Variants in ATP8A2 observed in about 807,000 individuals in gnomAD.
ATP8A2 encodes the protein ATPase phospholipid transporting 8A2.
A neutral mutation model predicts 165.6 loss-of-function variants in ATP8A2; 100 were observed. The ratio of observed to expected loss-of-function variants is 0.60; its 90% CI spans 0.51 to 0.71. The LOEUF (loss-of-function observed/expected upper bound fraction) is 0.71. Ranked by LOEUF, ATP8A2 falls within the 30% of genes least tolerant of loss-of-function variation. The pLI is 0.00. For missense variants in ATP8A2, 1,227 were observed against 1,479.5 expected (o/e 0.83, Z 2.80); for synonymous variants, 543 against 548.8 (o/e 0.99, Z 0.15).
rs966132443 is a variant in ATP8A2 at position 26,022,585 on chromosome 13, C to G, written c.*2600C>G. 5.3e-5 allele frequency: 8 copies of G among 152,178 alleles called. No individual in the cohort carries two copies. Among genetic ancestry groups the G allele is most frequent in the Admixed American group, 3.3e-4 (5 of 15,278 alleles). The allele number at this position is 152,178 out of a possible 1,614,324, so 9.4% of individuals were successfully genotyped here. ...TCATGTGGTTGAGCATTCTTACAGC[C>G]AAATGACTAAATTGGCTGTAAATTG... On this transcript the variant is annotated 3_prime_UTR_variant, in exon 37 of 37. Coordinates refer to ENST00000381655, the MANE Select transcript of ATP8A2 (RefSeq NM_016529.6).
chr13:25,607,868 G>T (rs556894004), intron 24 of ATP8A2, among the ~76,000 whole-genome samples: 1 of 152,172 alleles, frequency 6.6e-6, no homozygotes, highest in East Asian at 1.9e-4. Flanking sequence ...AGAATATTTT[G>T]TTAACCAAAT....
Position 25,899,928 on chromosome 13 carries a change from C to G in ATP8A2, c.3183+37520C>G, listed in dbSNP as rs142289330. On this transcript the variant is annotated intron_variant, in intron 33 of 36. Coordinates refer to ENST00000381655, the MANE Select transcript of ATP8A2 (RefSeq NM_016529.6). ...GAAAGAGTGGAGGCAGGGAGTCCAGCTGGGTGATGGGGACTTGGAGTTGGG... is the reference window on the plus strand; with the variant it reads ...GAAAGAGTGGAGGCAGGGAGTCCAGGTGGGTGATGGGGACTTGGAGTTGGG... Among the ~76,000 whole-genome samples the G allele has an allele frequency of 2.2e-4, 34 of 151,672 alleles. No individual in the cohort carries two copies. The East Asian group carries it at 5.9e-3, about 26-fold the overall frequency.
intron 1 of ATP8A2, among the ~76,000 whole-genome samples, chr13:25,397,061 G>T (rs189806857): frequency 6.6e-6 from 1 of 152,276 alleles, no homozygotes; most frequent in East Asian, 1.9e-4. Flanking sequence ...GGCTGTTTTC[G>T]CTGAGTTAAA....
intron 24 of ATP8A2, among the ~76,000 whole-genome samples, chr13:25,691,409 G>C (rs2042722351): frequency 6.6e-6 from 1 of 152,336 alleles, no homozygotes; most frequent in Middle Eastern, 3.4e-3. Flanking sequence ...GTGTGAATGT[G>C]TGAATTCAAT....
chr13:25,837,171 C>T lies in ATP8A2; in HGVS notation c.2763C>T (p.Thr921=), dbSNP rs375411072. 5.1e-5 allele frequency: 82 copies of T among 1,613,736 alleles called. No individual in the cohort carries two copies. The South Asian group carries it at 5.8e-4, about 11-fold the overall frequency. Reference sequence around the variant, plus strand: ...CATTGTTCTCCCTGCAGATTTTCACCGCTTTGCCGCCCTTCACTCTGGGAA... The same window carrying T: ...CATTGTTCTCCCTGCAGATTTTCACTGCTTTGCCGCCCTTCACTCTGGGAA... ...WCIGLYNVIF[T]ALPPFTLGIF... Residue 921 remains threonine (T), a synonymous_variant, in exon 29 of 37, where the codon ACC becomes ACT. Transcript: ENST00000381655.
intron 16 of ATP8A2, among the ~76,000 whole-genome samples, chr13:25,564,832 A>G (rs1329532780): frequency 6.6e-6 from 1 of 152,102 alleles, no homozygotes; most frequent in African/African-American, 2.4e-5. Context: ...ACACTGCACC[A>G]TATTTGTAGT....
intron 35 of ATP8A2, among the ~76,000 whole-genome samples, chr13:26,012,083 C>T (rs1956860165): frequency 6.6e-6 from 1 of 152,112 alleles, no homozygotes; most frequent in Non-Finnish European, 1.5e-5. Context: ...CCTTGATGTT[C>T]ATTGGGGTTC....
At chr13:25,928,089 G>T (rs1028961551) in intron 33 of ATP8A2, among the ~76,000 whole-genome samples, 1 of 152,128 alleles carries the variant, frequency 6.6e-6, no homozygotes, top group African/African-American at 2.4e-5. Context: ...AAAACAACTG[G>T]TAAGTTCTAC....
At chr13:25,517,965 G>T (rs558534952) in intron 2 of ATP8A2, among the ~76,000 whole-genome samples, 1 of 152,290 alleles carries the variant, frequency 6.6e-6, no homozygotes, top group African/African-American at 2.4e-5. Context: ...TGGGAGGGAT[G>T]GTGGCAAAGC....
intron 1 of ATP8A2, among the ~76,000 whole-genome samples, chr13:25,422,638 G>A (rs886520031): frequency 6.6e-6 from 1 of 152,124 alleles, no homozygotes; most frequent in African/African-American, 2.4e-5. Context: ...CACACACAGA[G>A]AGGCTCTTTA....
chr13:25,443,565 A>T (rs1258858673), intron 1 of ATP8A2, among the ~76,000 whole-genome samples: 1 of 152,254 alleles, frequency 6.6e-6, no homozygotes, highest in Non-Finnish European at 1.5e-5. Flanking sequence ...AACAAACTAC[A>T]CATGGAATGT....
chr13:25,433,767 T>C (rs971158622), intron 1 of ATP8A2, among the ~76,000 whole-genome samples: 1 of 152,124 alleles, frequency 6.6e-6, no homozygotes, highest in African/African-American at 2.4e-5. Flanking sequence ...GGAAATGTGG[T>C]ATTTATACAC....
At chr13:25,614,800 G>A (rs868396912) in intron 24 of ATP8A2, among the ~76,000 whole-genome samples, 1 of 152,310 alleles carries the variant, frequency 6.6e-6, no homozygotes, top group East Asian at 1.9e-4. Context: ...CAGCAGAGCT[G>A]CCTGGCTCCA....
intron 1 of ATP8A2, among the ~76,000 whole-genome samples, chr13:25,430,593 T>C (rs894010668): frequency 2.0e-5 from 3 of 152,034 alleles, no homozygotes; most frequent in African/African-American, 7.2e-5. Flanking sequence ...GTTTTTGTTG[T>C]TGTTGTTTGT....
At chr13:25,774,817 C>A in intron 26 of ATP8A2, 32 bp from the exon 27 acceptor site, 2 of 1,255,130 alleles carry the variant, frequency 1.6e-6, no homozygotes, top group Non-Finnish European at 2.3e-6. Context: ...CAATGATGGG[C>A]TCTTCTGAGC....
At chr13:25,890,284 T>C (rs1953319274) in intron 33 of ATP8A2, among the ~76,000 whole-genome samples, 1 of 152,252 alleles carries the variant, frequency 6.6e-6, no homozygotes, top group South Asian at 2.1e-4. Flanking sequence ...CACTTTATAG[T>C]TGCTAACAAC....
intron 35 of ATP8A2, among the ~76,000 whole-genome samples, chr13:25,990,514 C>A (rs1044984055): frequency 6.6e-6 from 1 of 152,096 alleles, no homozygotes; most frequent in Non-Finnish European, 1.5e-5. Flanking sequence ...TATGCAAAGG[C>A]CCTGAGGTGG....
rs371612982 is a variant in ATP8A2, at chr13:25,555,080, T to C, written c.1263+12T>C. 9 of 1,601,332 alleles carry C rather than the reference T, an allele frequency of 5.6e-6. No homozygotes were observed. Among genetic ancestry groups the C allele is most frequent in the Non-Finnish European group, 7.7e-6 (9 of 1,169,146 alleles). Reference sequence around the variant, plus strand: ...AAGAGCTTGGGCAGGTGAAAAAGCCTCTGGGAACTTTGGGAATGGTGACAC... The same window carrying C: ...AAGAGCTTGGGCAGGTGAAAAAGCCCCTGGGAACTTTGGGAATGGTGACAC... On this transcript the variant is annotated intron_variant, in intron 13 of 36. Transcript: ENST00000381655.
At chr13:25,537,795 A>G (rs917030143) in intron 6 of ATP8A2, among the ~76,000 whole-genome samples, 193 bp from the exon 7 acceptor site, 3 of 152,244 alleles carry the variant, frequency 2.0e-5, no homozygotes, top group African/African-American at 7.2e-5. Context: ...AAAAAAAGGC[A>G]ACATTACCAG....
Sources: gnomAD v4.1 joint callset for allele counts (sites outside exome capture counted in the v4.1 genomes callset) on GRCh38, gnomAD v4.1.1 for gene constraint, MANE v1.5 for transcripts, NCBI Gene and HGNC (gene_info 2026-07-23, HGNC 2026-07-21) for gene names.